Variants in TMC8 observed in about 807,000 individuals in gnomAD.
The protein encoded by TMC8 is transmembrane channel like 8.
In TMC8, 71 loss-of-function variants were observed where a neutral mutation model predicts 76.0. The ratio of observed to expected loss-of-function variants is 0.93; its 90% confidence interval spans 0.77 to 1.14. The LOEUF is 1.14. Ranked by LOEUF, TMC8 falls within the 50% of genes most tolerant of loss-of-function variation. TMC8 has a pLI of 0.00. For synonymous variants in TMC8, 433 were observed against 433.8 expected (o/e 1.00, Z 0.02); for missense variants, 924 against 947.9 (o/e 0.97, Z 0.33).
intron 8 of TMC8, 105 bp from the exon 9 acceptor site, chr17:78,134,765 T>G: frequency 1.3e-6 from 2 of 1,582,726 alleles, no homozygotes; most frequent in Non-Finnish European, 1.7e-6. Context: ...CAGGCGACCC[T>G]ATTCTGGGCC....
intron 15 of TMC8, among the ~76,000 whole-genome samples, 184 bp downstream of exon 15, chr17:78,139,424 A>G (rs1290384032): frequency 6.6e-6 from 1 of 152,172 alleles, no homozygotes; most frequent in Admixed American, 6.5e-5. Flanking sequence ...TCCTGAGACC[A>G]GGAGCCAGAC....
intron 3 of TMC8, 130 bp downstream of exon 3, chr17:78,132,160 C>T (rs1372452944): frequency 3.5e-6 from 5 of 1,440,738 alleles, no homozygotes; most frequent in Non-Finnish European, 4.7e-6. Flanking sequence ...CCTCCCCCCT[C>T]CCACCCCTTC....
In TMC8 at chr17:78,137,106, C is replaced by A. The variant is rs1483163938; in HGVS notation, c.1128-129C>A. On this transcript the variant is annotated intron_variant, in intron 9 of 15. Transcript: ENST00000318430. ...TTGGACCACATTGCCACAGACAGAG[C>A]AGGTTGGAAGGAGGCTGGGCCCAGG... 8 of 1,416,012 alleles carry A rather than the reference C, an allele frequency of 5.6e-6. No individual in the cohort carries two copies. The African/African-American group carries it at 8.5e-5, about 15-fold the overall frequency. 87.7% of individuals were successfully genotyped at this position (1,416,012 alleles called of 1,614,324 possible). A position where few individuals can be genotyped will look rare whatever the true frequency, so the allele number is the denominator to read the frequency against.
In TMC8 at chr17:78,137,735, G is replaced by C; in HGVS notation, c.1270G>C (p.Gly424Arg). The change falls in exon 11 of 16, where the codon GGG becomes CGG. Residue 424 changes from glycine to arginine, a missense_variant. Gly to Arg is a moderately radical substitution (Grantham distance 125). Transcript: ENST00000318430. ...ACCCCAGTGCTGGGAGAACTCCGTGGGGGAGGAGCTGTACAAGCTGAGTAT... is the reference window on the plus strand; with the variant it reads ...ACCCCAGTGCTGGGAGAACTCCGTGCGGGAGGAGCTGTACAAGCTGAGTAT... ...CDYQCWENSV[G>R]EELYKLSIFN... The C allele has an allele frequency of 3.1e-6, 5 of 1,613,564 alleles. No homozygotes were observed. The highest frequency in any genetic ancestry group is 4.2e-6 in the Non-Finnish European group (5 of 1,180,002).
intron 15 of TMC8, among the ~76,000 whole-genome samples, chr17:78,140,460 GA>G (rs1374769824): frequency 6.6e-6 from 1 of 151,844 alleles, no homozygotes; most frequent in Admixed American, 6.6e-5. Flanking sequence ...GCTGCTTGGG[GA>G]CGGACTCTTA....
intron 9 of TMC8, 65 bp from the exon 10 acceptor site, chr17:78,137,170 A>G: frequency 6.2e-7 from 1 of 1,604,960 alleles, no homozygotes; most frequent in Non-Finnish European, 8.5e-7. Flanking sequence ...CCACACCTAT[A>G]GCCTGGGTAG....
rs754362085 is a variant in TMC8, at chr17:78,141,933, C to T, written c.*821C>T. 23 of 152,386 alleles carry T rather than the reference C, an allele frequency of 1.5e-4. No homozygotes were observed. Among genetic ancestry groups the T allele is most frequent in the Non-Finnish European group, 3.2e-4 (22 of 68,158 alleles). The allele number at this position is 152,386 out of a possible 1,614,324, so 9.4% of individuals were successfully genotyped here. A position where few individuals can be genotyped will look rare whatever the true frequency, so the allele number is the denominator to read the frequency against. ...TGGCTCCCTGGTTGAGCCAAGCTTG[C>T]GGATCCGTGGGGTGAAGGTACCCGC... On this transcript the variant is annotated 3_prime_UTR_variant, in exon 16 of 16. Coordinates refer to ENST00000318430, the MANE Select transcript of TMC8 (RefSeq NM_152468.5).
intron 14 of TMC8, 198 bp downstream of exon 14, chr17:78,138,930 A>C (rs2145719714): frequency 6.5e-7 from 1 of 1,536,300 alleles, no homozygotes; most frequent in Non-Finnish European, 8.7e-7. Flanking sequence ...CTGGGGAAGC[A>C]CCGTGTCTGG....
chr17:78,131,966 G>A lies in TMC8; in HGVS notation c.234G>A (p.Arg78=), dbSNP rs775692127. The A allele has an allele frequency of 4.6e-6, 7 of 1,521,338 alleles. No homozygotes were observed. The highest frequency in any genetic ancestry group is 2.0e-5 in the Admixed American group (1 of 49,176). The allele number at this position is 1,521,338 out of a possible 1,614,324, so 94.2% of individuals were successfully genotyped here. The change falls in exon 3 of 16, where the codon CGG becomes CGA. Residue 78 remains arginine, a synonymous_variant. Coordinates refer to ENST00000318430, the MANE Select transcript of TMC8 (RefSeq NM_152468.5). ...RRRQTVERRL[R]EAAQRLARGL... is the part of the protein sequence containing the mutation. ...GGCAGACGGTGGAAAGGCGCCTGCGGGAGGCAGCGCAGCGGCTGGCCCGGG... is the reference window on the plus strand; with the variant it reads ...GGCAGACGGTGGAAAGGCGCCTGCGAGAGGCAGCGCAGCGGCTGGCCCGGG...
At position 78,138,656 on chromosome 17, in the gene TMC8, C is replaced by T. The variant is rs1379512889; in HGVS notation, c.1747C>T (p.Leu583Phe). The part of the protein sequence containing the change: ...QVVPELVALG[L>F]PPIGQRALHY... ...GGTCCCGGAGCTGGTGGCCCTTGGG[C>T]TCCCGCCCATTGGCCAGCGTGCCCT... The change falls in exon 14 of 16, where the codon CTC becomes TTC. Residue 583 changes from leucine (L) to phenylalanine (F), a missense_variant. Coordinates refer to ENST00000318430, the MANE Select transcript of TMC8 (RefSeq NM_152468.5). 3 of 1,613,736 alleles carry T rather than the reference C, an allele frequency of 1.9e-6. No individual in the cohort carries two copies. Among genetic ancestry groups the T allele is most frequent in the African/African-American group, 1.3e-5 (1 of 74,960 alleles).
intron 5 of TMC8, 119 bp from the exon 6 acceptor site, chr17:78,133,287 G>GCCC (rs1478843961): frequency 2.1e-4 from 319 of 1,523,854 alleles, no homozygotes; most frequent in African/African-American, 4.6e-4. Context: ...GCCCTTGTAA[G>GCCC]ACGGGACACT....
chr17:78,137,947 A>G lies in TMC8; in HGVS notation c.1350-58A>G, dbSNP rs11651478. 60,747 of 1,608,336 alleles carry G rather than the reference A, an allele frequency of 0.038. 1,442 individuals carry two copies. The highest frequency in any genetic ancestry group is 0.085 in the South Asian group (7,721 of 90,940). On this transcript the variant is annotated intron_variant, in intron 11 of 15. Transcript: ENST00000318430. ...TAAGTGGCAGGCTGTGGCCATGACC[A>G]ATACAGCCCACGCATCTGTCTGGAG...
At chr17:78,135,785 T>A (rs1567800584) in intron 9 of TMC8, among the ~76,000 whole-genome samples, 2 of 152,194 alleles carry the variant, frequency 1.3e-5, no homozygotes, top group Non-Finnish European at 2.9e-5. Flanking sequence ...AGGCCGGGCA[T>A]GGTGGCTCAC....
chr17:78,133,644 C>G, intron 6 of TMC8, 102 bp downstream of exon 6: 14 of 1,579,836 alleles, frequency 8.9e-6, no homozygotes, highest in Non-Finnish European at 1.1e-5. Context: ...GCCCATGGCC[C>G]GGCACAGCAG....
At chr17:78,138,791 C>G in intron 14 of TMC8, 59 bp downstream of exon 14, 1 of 1,595,920 alleles carries the variant, frequency 6.3e-7, no homozygotes, top group Non-Finnish European at 8.5e-7. Flanking sequence ...TCCTTCCTTC[C>G]ATGGGGGTGG....
At position 78,133,934 on chromosome 17, in the gene TMC8, G is replaced by A. The variant is rs2075130824; in HGVS notation, c.750G>A (p.Trp250Ter). 6.2e-7 allele frequency: 1 copy of A among 1,613,538 alleles called. No individual in the cohort carries two copies. The highest frequency in any genetic ancestry group is 1.7e-5 in the Admixed American group (1 of 60,004). ...APLSAKVFSS[W>*]DFCIRVQEAA... is the part of the protein sequence containing the mutation. The stretch of plus-strand genomic sequence containing the variant: ...TCAGCGCCAAGGTCTTCTCCTCATG[G>A]GACTTCTGCATCCGGGTGCAGGAAG... Residue 250 changes from tryptophan to a stop codon, truncating the protein, a stop_gained, in exon 7 of 16, where the codon TGG (tryptophan) becomes TGA (stop). Transcript: ENST00000318430. LOFTEE classifies it high-confidence loss of function.
chr17:78,134,487 G>A lies in TMC8; in HGVS notation c.910G>A (p.Val304Ile), dbSNP rs976302755. ...CRLLSYLRVN[V>I]LNGLLVVGAI... ...CCTGCTCTCCTACCTGCGGGTCAACGTACTCAACGGGCTCCTGGTGGTTGG... is the reference window on the plus strand; with the variant it reads ...CCTGCTCTCCTACCTGCGGGTCAACATACTCAACGGGCTCCTGGTGGTTGG... The change falls in exon 8 of 16, where the codon GTA becomes ATA. Residue 304 changes from valine (V) to isoleucine (I), a missense_variant. By Grantham distance (29) the Val-to-Ile change is conservative. Coordinates refer to ENST00000318430, the MANE Select transcript of TMC8 (RefSeq NM_152468.5). 5.0e-6 allele frequency: 8 copies of A among 1,613,914 alleles called. No individual in the cohort carries two copies. Among genetic ancestry groups the A allele is most frequent in the African/African-American group, 1.3e-5 (1 of 74,904 alleles).
At position 78,132,619 on chromosome 17, in the gene TMC8, G is replaced by C. The variant is rs139611292; in HGVS notation, c.448+111G>C. Reference sequence around the variant, plus strand: ...ACGCTGGGCGTGGTCCTGCCGTGCAGGCCCCGGGGCTCTCTCTCCCTGACC... The same window carrying C: ...ACGCTGGGCGTGGTCCTGCCGTGCACGCCCCGGGGCTCTCTCTCCCTGACC... On this transcript the variant is annotated intron_variant, in intron 4 of 15. Transcript: ENST00000318430. 6.2e-4 allele frequency: 939 copies of C among 1,516,354 alleles called. 2 individuals are homozygous for C. The highest frequency in any genetic ancestry group is 7.2e-4 in the Non-Finnish European group (800 of 1,115,372). The allele number at this position is 1,516,354 out of a possible 1,614,324, so 93.9% of individuals were successfully genotyped here.
At chr17:78,134,827 G>C in intron 8 of TMC8, 43 bp from the exon 9 acceptor site, 1 of 1,610,936 alleles carries the variant, frequency 6.2e-7, no homozygotes. Flanking sequence ...GCAGACAGGG[G>C]CCCCCCAGCA....
Sources: gnomAD v4.1 joint callset for allele counts (sites outside exome capture counted in the v4.1 genomes callset) on GRCh38, gnomAD v4.1.1 for gene constraint, MANE v1.5 for transcripts, NCBI Gene and HGNC (gene_info 2026-07-23, HGNC 2026-07-21) for gene names.